The following CREB5 variants were observed in gnomAD, a reference collection of about 807,000 sequenced individuals.
CREB5 encodes cAMP responsive element binding protein 5, also known as cyclic AMP-responsive element-binding protein 5.
Under a neutral mutation model 57.1 loss-of-function variants are expected in CREB5, and 19 were observed. The ratio of observed to expected loss-of-function variants is 0.33; its 90% CI spans 0.23 to 0.49. The LOEUF (loss-of-function observed/expected upper bound fraction) is 0.49. Among genes scored for constraint, CREB5 ranks in the 20% least tolerant of loss-of-function variants. The pLI is 0.99. For synonymous variants in CREB5, 238 were observed against 238.3 expected (o/e 1.00, Z 0.01); for missense variants, 579 against 671.6 (o/e 0.86, Z 1.52).
chr7:28,457,483 T>A (rs539622763), intron 1 of CREB5, among the ~76,000 whole-genome samples: 11 of 152,296 alleles, frequency 7.2e-5, no homozygotes, highest in East Asian at 1.9e-4. Context: ...ACAGTCTTCA[T>A]CTTTCCGCCA....
chr7:28,344,918 C>A (rs149831095), intron 1 of CREB5, among the ~76,000 whole-genome samples: 3 of 152,212 alleles, frequency 2.0e-5, no homozygotes, highest in East Asian at 3.9e-4. Flanking sequence ...CACAGAATGA[C>A]ATTATTTAAT....
At chr7:28,702,106 C>CT (rs1298911634) in intron 5 of CREB5, among the ~76,000 whole-genome samples, 1 of 152,106 alleles carries the variant, frequency 6.6e-6, no homozygotes, top group Admixed American at 6.6e-5. Context: ...AACAGAAGGT[C>CT]TTTTTTCAGT....
chr7:28,344,705 G>A (rs994815266), intron 1 of CREB5, among the ~76,000 whole-genome samples: 1 of 151,834 alleles, frequency 6.6e-6, no homozygotes, highest in Admixed American at 6.6e-5. Context: ...TCTAAAGACA[G>A]AATGGCTAAG....
In CREB5 at chr7:28,311,309, C is replaced by G. The variant is rs1456779846; in HGVS notation, c.-25+11868C>G. On this transcript the variant is annotated intron_variant, in intron 1 of 9. Transcript: ENST00000396299. Reference sequence around the variant, plus strand: ...AGGTACTCTTTCTATCTCTCAGTTCCTTTTTCATGGACTCTTGAGCCCTTA... The same window carrying G: ...AGGTACTCTTTCTATCTCTCAGTTCGTTTTTCATGGACTCTTGAGCCCTTA... Among the ~76,000 whole-genome samples, 9 of 152,066 alleles carry G rather than the reference C, an allele frequency of 5.9e-5. No homozygotes were observed. In the East Asian group the frequency reaches 1.7e-3, roughly 29 times the overall value.
At chr7:28,553,041 C>T (rs1339750339) in intron 4 of CREB5, among the ~76,000 whole-genome samples, 1 of 152,188 alleles carries the variant, frequency 6.6e-6, no homozygotes, top group Non-Finnish European at 1.5e-5. Context: ...GCCAATAATA[C>T]ACCTTCAAGG....
Position 28,367,505 on chromosome 7 carries a change from T to G in CREB5, c.-25+68064T>G, listed in dbSNP as rs116536981. 1.6e-3 allele frequency among the ~76,000 whole-genome samples: 238 copies of G among 152,294 alleles called. 2 individuals are homozygous for G. The highest frequency in any genetic ancestry group is 5.6e-3 in the African/African-American group (234 of 41,568). ...CACTTCCTACAGCAAGCTCCATCAG[T>G]GCTACCTTTAAAACATAGCCTAGGC... On this transcript the variant is annotated intron_variant, in intron 1 of 9. Transcript: ENST00000396299.
At chr7:28,342,707 C>T (rs986147630) in intron 1 of CREB5, among the ~76,000 whole-genome samples, 1 of 152,104 alleles carries the variant, frequency 6.6e-6, no homozygotes, top group Non-Finnish European at 1.5e-5. Flanking sequence ...GCCTGTGTGG[C>T]CTTGAAAGGA....
At chr7:28,491,473 C>A (rs1389211293) in intron 2 of CREB5, among the ~76,000 whole-genome samples, 1 of 152,048 alleles carries the variant, frequency 6.6e-6, no homozygotes, top group African/African-American at 2.4e-5. Flanking sequence ...AGGAGCAGGT[C>A]ATTTCCTTGA....
chr7:28,494,906 C>A lies in CREB5; in HGVS notation c.76C>A (p.Arg26Ser). 6.3e-7 allele frequency: 1 copy of A among 1,577,174 alleles called. No individual in the cohort carries two copies. The highest frequency in any genetic ancestry group is 1.2e-5 in the South Asian group (1 of 84,314). ...CCCTTTTTTTTTATTCGTCCGACAG[C>A]GCTTCCCAACAGAGGACCATCTGAT... is the stretch of plus-strand genomic sequence containing the variant. ...FVCSAPGCSQRFPTEDHLMIH... is the reference protein window; with the variant it reads ...FVCSAPGCSQSFPTEDHLMIH... The change falls in exon 3 of 11, where the codon CGC (arginine) becomes AGC (serine). Residue 26 changes from arginine (R) to serine (S), a missense_variant and splice_region_variant. Arg to Ser is a moderately radical substitution (Grantham distance 110, BLOSUM62 -1). Transcript: ENST00000357727.
At chr7:28,320,895 A>G (rs1439347762) in intron 1 of CREB5, among the ~76,000 whole-genome samples, 1 of 152,240 alleles carries the variant, frequency 6.6e-6, no homozygotes, top group African/African-American at 2.4e-5. Context: ...GTGCAGGTGC[A>G]AGTATATGTA....
rs145515780 is a variant in CREB5, at chr7:28,528,366, A to G, written c.291+20629A>G. On this transcript the variant is annotated intron_variant, in intron 4 of 10. Coordinates refer to ENST00000357727, the MANE Select transcript of CREB5 (RefSeq NM_182898.4). ...GACATCCTGAATGCTTAATATTTCAATTCTCAATTATGTGAAAGCAGTTTG... is the reference window on the plus strand; with the variant it reads ...GACATCCTGAATGCTTAATATTTCAGTTCTCAATTATGTGAAAGCAGTTTG... Among the ~76,000 whole-genome samples the G allele has an allele frequency of 2.3e-4, 35 of 152,374 alleles. No individual in the cohort carries two copies. The East Asian group carries it at 6.2e-3, about 27-fold the overall frequency.
rs1554344374 is a variant in CREB5 at position 28,560,881 on chromosome 7, T to TGTGTGCGCGTGCGCGC, written c.292-9483_292-9482insTGTGCGCGTGCGCGCG. On this transcript the variant is annotated intron_variant, in intron 4 of 10. Coordinates refer to ENST00000357727, the MANE Select transcript of CREB5 (RefSeq NM_182898.4). ...GTGCGTGTGCCTGCGTGCGCGTGCG[T>TGTGTGCGCGTGCGCGC]GCGTGCGTGTGTGTGCGTGCGCGCG... Among the ~76,000 whole-genome samples, 6 of 46,242 alleles carry TGTGTGCGCGTGCGCGC rather than the reference T, an allele frequency of 1.3e-4. 1 individual carries two copies. Among genetic ancestry groups the TGTGTGCGCGTGCGCGC allele is most frequent in the South Asian group, 1.0e-3 (1 of 964 alleles). The allele number at this position is 46,242 out of a possible 152,430, so 30.3% of individuals were successfully genotyped here.
At chr7:28,455,958 A>G (rs1313045225) in intron 1 of CREB5, among the ~76,000 whole-genome samples, 1 of 152,014 alleles carries the variant, frequency 6.6e-6, no homozygotes, top group African/African-American at 2.4e-5. Flanking sequence ...CTTTTTTCTT[A>G]TTGTCTGAGA....
intron 7 of CREB5, among the ~76,000 whole-genome samples, chr7:28,750,023 T>C (rs1240297885): frequency 2.6e-5 from 4 of 152,148 alleles, no homozygotes; most frequent in African/African-American, 9.7e-5. Context: ...AATAAATCAA[T>C]ATATGTAAAT....
At chr7:28,448,285 T>A (rs1789593371) in intron 1 of CREB5, among the ~76,000 whole-genome samples, 1 of 152,236 alleles carries the variant, frequency 6.6e-6, no homozygotes, top group Admixed American at 6.5e-5. Flanking sequence ...GACTTTGTGA[T>A]CATCTAAGTT....
At chr7:28,457,716 T>C (rs907641834) in intron 1 of CREB5, among the ~76,000 whole-genome samples, 5 of 152,096 alleles carry the variant, frequency 3.3e-5, no homozygotes, top group Non-Finnish European at 7.4e-5. Context: ...TGGGAGTCAG[T>C]TGGATATGAT....
At chr7:28,522,390 G>GTTTTTTTTT (rs11291433) in intron 4 of CREB5, among the ~76,000 whole-genome samples, 3 of 97,604 alleles carry the variant, frequency 3.1e-5, no homozygotes, top group Admixed American at 1.2e-4. Flanking sequence ...CCTGCTCTTT[G>GTTTTTTTTT]TTTTTTTTTT....
At chr7:28,616,007 A>G (rs899911621) in intron 5 of CREB5, 2 of 152,238 alleles carry the variant, frequency 1.3e-5, no homozygotes, top group Middle Eastern at 3.2e-3. Context: ...TGAGTTCTCC[A>G]TCATTTTTCC....
intron 6 of CREB5, among the ~76,000 whole-genome samples, chr7:28,722,491 C>T (rs1398613636): frequency 2.0e-5 from 3 of 152,108 alleles, no homozygotes; most frequent in Admixed American, 1.3e-4. Flanking sequence ...TCATGATTTA[C>T]AATTACAGTG....
Sources: gnomAD v4.1 joint callset for allele counts (sites outside exome capture counted in the v4.1 genomes callset) on GRCh38, gnomAD v4.1.1 for gene constraint, MANE v1.5 for transcripts, NCBI Gene and HGNC (gene_info 2026-07-23, HGNC 2026-07-21) for gene names.